TECPR2: variants seen among roughly 807,000 people sequenced by gnomAD.
The protein encoded by TECPR2 is tectonin beta-propeller repeat-containing protein 2.
TECPR2 carries 65 observed loss-of-function variants against 138.1 expected under a neutral mutation model. The ratio of observed to expected loss-of-function variants is 0.47; its 90% CI spans 0.39 to 0.58. The LOEUF is 0.58. Ranked by LOEUF, TECPR2 falls within the 20% of genes least tolerant of loss-of-function variation. The pLI is 0.00. For synonymous variants in TECPR2, 746 were observed against 749.8 expected, an observed-to-expected ratio of 0.99 and a Z score of 0.08; for missense variants, 1,553 against 1,824.5, an observed-to-expected ratio of 0.85 and a Z score of 2.71.
At chr14:102,408,021 T>C (rs1187704212) in intron 3 of TECPR2, among the ~76,000 whole-genome samples, 1 of 151,342 alleles carries the variant, frequency 6.6e-6, no homozygotes, top group Non-Finnish European at 1.5e-5. Context: ...ATACAAAAAT[T>C]AGCTGGGCGT....
intron 8 of TECPR2, among the ~76,000 whole-genome samples, chr14:102,433,993 A>T (rs1458033277): frequency 6.6e-6 from 1 of 152,178 alleles, no homozygotes; most frequent in Non-Finnish European, 1.5e-5. Context: ...ACCCAGGTGA[A>T]CATCTCAGTT....
Position 102,372,259 on chromosome 14 carries a change from ACTTTT to A in TECPR2, c.-72-4380_-72-4376del, listed in dbSNP as rs568114024. Among the ~76,000 whole-genome samples the A allele has an allele frequency of 2.4e-4, 36 of 149,010 alleles. No individual in the cohort carries two copies. The South Asian group carries it at 4.5e-3, about 18-fold the overall frequency. Reference sequence around the variant, plus strand: ...ACCTACTGCACCCAGCTGCCTTTGTACTTTTCTTTTCTTTTTTTTTTTTGAGATTG... The same window carrying A: ...ACCTACTGCACCCAGCTGCCTTTGTACTTTTCTTTTTTTTTTTTGAGATTG... On this transcript the variant is annotated intron_variant, in intron 1 of 19. Coordinates refer to ENST00000359520, the MANE Select transcript of TECPR2 (RefSeq NM_014844.5).
chr14:102,406,315 A>G (rs557391489), intron 2 of TECPR2, among the ~76,000 whole-genome samples: 10 of 150,406 alleles, frequency 6.6e-5, no homozygotes, highest in Non-Finnish European at 1.2e-4. Flanking sequence ...TTGGGAGGCC[A>G]AGGCGGGCAG....
rs142593446 is a variant in TECPR2, at chr14:102,473,500, G to A, written c.3789+8211G>A. The stretch of plus-strand genomic sequence containing the variant: ...GAGCTTCTTCATCTGCGTAGAGGAT[G>A]TATTTGCAGTGGAAAAGGAAATGGA... On this transcript the variant is annotated intron_variant, in intron 17 of 19. Coordinates refer to ENST00000359520, the MANE Select transcript of TECPR2 (RefSeq NM_014844.5). Among the ~76,000 whole-genome samples, 158 of 152,334 alleles carry A rather than the reference G, an allele frequency of 1.0e-3. 1 individual carries two copies. In the East Asian group the frequency reaches 0.016, roughly 15 times the overall value.
At chr14:102,379,926 C>T (rs1023033530) in intron 2 of TECPR2, among the ~76,000 whole-genome samples, 4 of 149,038 alleles carry the variant, frequency 2.7e-5, no homozygotes, top group Admixed American at 2.0e-4. Flanking sequence ...AATCCATGCA[C>T]AGAGGCACCC....
intron 2 of TECPR2, among the ~76,000 whole-genome samples, chr14:102,385,526 T>C (rs1288061843): frequency 6.6e-6 from 1 of 152,062 alleles, no homozygotes; most frequent in African/African-American, 2.4e-5. Context: ...ATCCACAGGC[T>C]CTACCAGAGT....
At chr14:102,390,316 T>C (rs1257657872) in intron 2 of TECPR2, among the ~76,000 whole-genome samples, 1 of 152,176 alleles carries the variant, frequency 6.6e-6, no homozygotes, top group East Asian at 1.9e-4. Context: ...TTTTTTTTCC[T>C]TAAACTTTTT....
At chr14:102,486,895 A>G (rs1891039435) in intron 17 of TECPR2, among the ~76,000 whole-genome samples, 1 of 152,222 alleles carries the variant, frequency 6.6e-6, no homozygotes, top group Non-Finnish European at 1.5e-5. Context: ...AGAAGCAGGA[A>G]GAGGGTCTGC....
chr14:102,428,845 G>A (rs1409096126), intron 7 of TECPR2, among the ~76,000 whole-genome samples: 5 of 150,766 alleles, frequency 3.3e-5, no homozygotes, highest in Non-Finnish European at 7.4e-5. Context: ...GGTTTCCTCT[G>A]ATTCTTTTTT....
intron 2 of TECPR2, among the ~76,000 whole-genome samples, chr14:102,382,881 C>G (rs1458991542): frequency 6.6e-6 from 1 of 152,072 alleles, no homozygotes; most frequent in Non-Finnish European, 1.5e-5. Context: ...CTCAGCCTCC[C>G]AAGTAGCTGG....
chr14:102,458,966 C>CATATATATATATATATAT (rs3068229), intron 16 of TECPR2, among the ~76,000 whole-genome samples: 46 of 138,372 alleles, frequency 3.3e-4, no homozygotes, highest in African/African-American at 1.1e-3. Context: ...AAAATACACA[C>CATATATATATATATATAT]ATATATATAT....
At chr14:102,477,369 CAA>C (rs919684497) in intron 17 of TECPR2, among the ~76,000 whole-genome samples, 7 of 97,086 alleles carry the variant, frequency 7.2e-5, no homozygotes, top group Admixed American at 1.1e-4. Flanking sequence ...GACTCCGTCT[CAA>C]AAAAAAAAAA....
Position 102,438,244 on chromosome 14 carries a change from G to T in TECPR2, c.2578+39G>T, listed in dbSNP as rs772480731. 9.5e-6 allele frequency: 15 copies of T among 1,571,016 alleles called. 1 individual carries two copies. Among genetic ancestry groups the T allele is most frequent in the Middle Eastern group, 2.1e-4 (1 of 4,694 alleles). On this transcript the variant is annotated intron_variant, in intron 10 of 19. Coordinates refer to ENST00000359520, the MANE Select transcript of TECPR2 (RefSeq NM_014844.5). ...CTCCCTGCTCCCGCTCCCTGCTCCC[G>T]CTCGCCGCTCCTGCTCCCCGCCCCC...
intron 17 of TECPR2, among the ~76,000 whole-genome samples, chr14:102,481,058 C>T (rs557595000): frequency 4.0e-5 from 6 of 149,434 alleles, no homozygotes; most frequent in East Asian, 2.0e-4. Flanking sequence ...GTCACCCAGG[C>T]GCGTAGTGCA....
intron 17 of TECPR2, among the ~76,000 whole-genome samples, chr14:102,493,920 C>T (rs1317216089): frequency 6.6e-6 from 1 of 152,226 alleles, no homozygotes; most frequent in African/African-American, 2.4e-5. Flanking sequence ...CTGGCATCTG[C>T]CATCCAACCC....
chr14:102,414,356 T>C (rs1160681260), intron 4 of TECPR2, among the ~76,000 whole-genome samples: 1 of 152,212 alleles, frequency 6.6e-6, no homozygotes, highest in Non-Finnish European at 1.5e-5. Flanking sequence ...AAAGAATGTA[T>C]CTACTGAGGA....
rs1412913614 is a variant in TECPR2, at chr14:102,415,808, C to T, written c.638+1015C>T. Among the ~76,000 whole-genome samples the T allele has an allele frequency of 6.6e-6, 1 of 152,120 alleles. No individual in the cohort carries two copies. On this transcript the variant is annotated intron_variant, in intron 5 of 19. Coordinates refer to ENST00000359520, the MANE Select transcript of TECPR2 (RefSeq NM_014844.5). The surrounding 1 kb of genome is among the most constrained non-coding windows in gnomAD (Gnocchi z 4.3). ...TCAGGGGCAGGGCAGCTGATGGTCA[C>T]GGCATGTGGGGAGGGCTTGAGGCTG... is the stretch of plus-strand genomic sequence containing the variant.
At chr14:102,459,508 G>A (rs1222292668) in intron 16 of TECPR2, among the ~76,000 whole-genome samples, 1 of 152,164 alleles carries the variant, frequency 6.6e-6, no homozygotes, top group Admixed American at 6.5e-5. Context: ...GGCCAGGCAT[G>A]GTGGCTCACA....
chr14:102,379,697 A>G (rs1211762671), intron 2 of TECPR2, among the ~76,000 whole-genome samples: 7 of 141,280 alleles, frequency 5.0e-5, no homozygotes, highest in Non-Finnish European at 1.1e-4. Context: ...ACACTGCTGA[A>G]GATCACCATC....
Sources: allele counts gnomAD v4.1 joint callset (sites outside exome capture counted in the v4.1 genomes callset), GRCh38; gene constraint gnomAD v4.1.1; non-coding constraint Gnocchi (gnomAD v3.1); transcripts MANE v1.5; gene names NCBI Gene and HGNC (gene_info 2026-07-23, HGNC 2026-07-21).